The following NTRK2 variants were observed in gnomAD, a reference collection of about 807,000 sequenced individuals.
NTRK2 encodes the protein BDNF/NT-3 growth factors receptor.
In NTRK2, 13 loss-of-function variants were observed where a neutral mutation model predicts 94.5. That is an observed-to-expected ratio of 0.14 (90% confidence interval 0.09 to 0.22). The LOEUF (loss-of-function observed/expected upper bound fraction) is 0.22. Ranked by LOEUF, NTRK2 falls within the 10% of genes least tolerant of loss-of-function variation. NTRK2 has a pLI of 1.00. For missense variants in NTRK2, 639 were observed against 1,071.2 expected (o/e 0.60, Z 5.63); for synonymous variants, 372 against 407.4 (o/e 0.91, Z 1.05).
intron 12 of NTRK2, among the ~76,000 whole-genome samples, chr9:84,774,554 C>T (rs1315230097): frequency 1.3e-5 from 2 of 152,172 alleles, no homozygotes; most frequent in Non-Finnish European, 2.9e-5. Flanking sequence ...CAGCTCATTT[C>T]CAGAATCCAA....
intron 12 of NTRK2, among the ~76,000 whole-genome samples, chr9:84,829,442 T>C (rs577830355): frequency 6.6e-6 from 1 of 152,372 alleles, no homozygotes; most frequent in South Asian, 2.1e-4. Context: ...GTTCACTCTA[T>C]GGACTCCTAG....
At chr9:84,791,097 C>A (rs1204901009) in intron 12 of NTRK2, among the ~76,000 whole-genome samples, 8 of 152,140 alleles carry the variant, frequency 5.3e-5, no homozygotes, top group Admixed American at 5.2e-4. Flanking sequence ...AACGCTGATA[C>A]TGACCAAAAT....
intron 6 of NTRK2, among the ~76,000 whole-genome samples, chr9:84,714,743 T>C (rs2061608354): frequency 6.6e-6 from 1 of 152,210 alleles, no homozygotes; most frequent in African/African-American, 2.4e-5. Flanking sequence ...GTCAGCTGGC[T>C]TTTTCTTTTA....
At chr9:85,000,371 A>G (rs1830204800) in intron 17 of NTRK2, among the ~76,000 whole-genome samples, 1 of 152,156 alleles carries the variant, frequency 6.6e-6, no homozygotes, top group African/African-American at 2.4e-5. Flanking sequence ...TCACTGCCCT[A>G]AAAATCCTCC....
intron 5 of NTRK2, among the ~76,000 whole-genome samples, chr9:84,708,253 C>T (rs1260515152): frequency 6.6e-6 from 1 of 152,138 alleles, no homozygotes; most frequent in African/African-American, 2.4e-5. Flanking sequence ...TCTCACAGCT[C>T]TGGTTTGGTT....
In NTRK2 at chr9:84,988,651, C is replaced by A. The variant is rs148999280; in HGVS notation, c.2173-31555C>A. ...AGGGCCAACATGAAGTCCTAATGAG[C>A]CTGAGCCCTTTGAATGGGGAACCTA... is the stretch of plus-strand genomic sequence containing the variant. On this transcript the variant is annotated intron_variant, in intron 17 of 18. Transcript: ENST00000277120. Among the ~76,000 whole-genome samples the A allele has an allele frequency of 3.3e-4, 51 of 152,304 alleles. No homozygotes were observed. The East Asian group carries it at 8.3e-3, about 25-fold the overall frequency.
At chr9:84,941,223 T>C (rs1260653011) in intron 15 of NTRK2, among the ~76,000 whole-genome samples, 1 of 152,174 alleles carries the variant, frequency 6.6e-6, no homozygotes, top group Non-Finnish European at 1.5e-5. Flanking sequence ...GTGTGCACAC[T>C]CAAGAGTGTG....
intron 2 of NTRK2, among the ~76,000 whole-genome samples, chr9:84,697,185 G>A (rs2060434170): frequency 6.6e-6 from 1 of 152,224 alleles, no homozygotes; most frequent in Non-Finnish European, 1.5e-5. Flanking sequence ...AAGAGAGCAT[G>A]CAAGCAACGT....
intron 12 of NTRK2, chr9:84,814,757 A>G (rs200568709): frequency 9.4e-7 from 1 of 1,064,322 alleles, no homozygotes. Flanking sequence ...AGGACAAGCA[A>G]TTCCATCTAG....
At chr9:84,717,790 A>G (rs1184629770) in intron 6 of NTRK2, among the ~76,000 whole-genome samples, 1 of 152,238 alleles carries the variant, frequency 6.6e-6, no homozygotes, top group Non-Finnish European at 1.5e-5. Context: ...AAATATATGT[A>G]TATCTTATAT....
At chr9:84,829,107 T>G (rs2073371774) in intron 12 of NTRK2, among the ~76,000 whole-genome samples, 1 of 152,184 alleles carries the variant, frequency 6.6e-6, no homozygotes, top group African/African-American at 2.4e-5. Context: ...TAAGCAATTC[T>G]CATGCCTCAG....
At chr9:84,871,131 C>A (rs371995815) in intron 14 of NTRK2, among the ~76,000 whole-genome samples, 2 of 152,124 alleles carry the variant, frequency 1.3e-5, no homozygotes, top group Admixed American at 1.3e-4. Flanking sequence ...GTTAGATCAT[C>A]ATATAATCAT....
At chr9:84,763,301 C>G (rs912373371) in intron 12 of NTRK2, among the ~76,000 whole-genome samples, 2 of 152,044 alleles carry the variant, frequency 1.3e-5, no homozygotes, top group African/African-American at 4.8e-5. Flanking sequence ...TCATACTTGA[C>G]CTGGGGACAG....
chr9:85,004,047 G>GAAAAGAAAGAAAGAAA (rs1564542231), intron 17 of NTRK2, among the ~76,000 whole-genome samples: 1 of 39,832 alleles, frequency 2.5e-5, no homozygotes, highest in African/African-American at 1.2e-4. Context: ...GAAAGAAAGG[G>GAAAAGAAAGAAAGAAA]AGAAAGAGAA....
chr9:84,685,939 A>G (rs1211767694), intron 2 of NTRK2, among the ~76,000 whole-genome samples: 2 of 152,206 alleles, frequency 1.3e-5, no homozygotes, highest in Non-Finnish European at 2.9e-5. Flanking sequence ...GATCTTGTTT[A>G]CTGCTCTTTC....
intron 11 of NTRK2, among the ~76,000 whole-genome samples, chr9:84,745,601 A>G (rs2063999053): frequency 6.6e-6 from 1 of 152,226 alleles, no homozygotes; most frequent in Non-Finnish European, 1.5e-5. Context: ...GTGGAGGAGC[A>G]GATGTTTTGT....
chr9:84,679,400 G>A (rs2059260601), intron 2 of NTRK2, among the ~76,000 whole-genome samples: 1 of 152,084 alleles, frequency 6.6e-6, no homozygotes, highest in Non-Finnish European at 1.5e-5. Context: ...ACTTTTTTCT[G>A]GTGGACGACC....
At chr9:84,871,604 TA>T (rs1310375250) in intron 14 of NTRK2, among the ~76,000 whole-genome samples, 1 of 152,220 alleles carries the variant, frequency 6.6e-6, no homozygotes, top group Non-Finnish European at 1.5e-5. Context: ...AAATGATGCA[TA>T]AAATCATTTA....
chr9:84,850,630 C>T (rs1208211888), intron 12 of NTRK2, among the ~76,000 whole-genome samples: 1 of 152,160 alleles, frequency 6.6e-6, no homozygotes, highest in African/African-American at 2.4e-5. Flanking sequence ...TATTGCCCCA[C>T]CCAATAGAGA....
Sources: allele counts gnomAD v4.1 joint callset (sites outside exome capture counted in the v4.1 genomes callset), GRCh38; gene constraint gnomAD v4.1.1; transcripts MANE v1.5; gene names NCBI Gene and HGNC (gene_info 2026-07-23, HGNC 2026-07-21).